Variants in MICAL2 observed in about 807,000 individuals in gnomAD.
MICAL2 encodes microtubule associated monooxygenase, calponin and LIM domain containing 2, also known as [F-actin]-monooxygenase MICAL2.
MICAL2 carries 77 observed loss-of-function variants against 127.3 expected under a neutral mutation model. The observed-to-expected ratio is 0.60, with a 90% CI of 0.50 to 0.73. The LOEUF (loss-of-function observed/expected upper bound fraction) is 0.73. Among genes scored for constraint, MICAL2 ranks in the 30% least tolerant of loss-of-function variants. The probability of loss-of-function intolerance (pLI) is 0.00; values close to 1 mark genes in which losing one functional copy is unlikely to be tolerated. For synonymous variants in MICAL2, 570 were observed against 551.1 expected, an observed-to-expected ratio of 1.03 and a Z score of -0.48; for missense variants, 1,351 against 1,434.4, an observed-to-expected ratio of 0.94 and a Z score of 0.94.
At chr11:12,208,850 A>C (rs556011133) in intron 5 of MICAL2, among the ~76,000 whole-genome samples, 1 of 152,228 alleles carries the variant, frequency 6.6e-6, no homozygotes, top group South Asian at 2.1e-4. Flanking sequence ...CTTAGGGTAC[A>C]TTTCTGATTT....
intron 22 of MICAL2, chr11:12,254,022 C>G (rs1861949609): frequency 6.6e-6 from 1 of 152,170 alleles, no homozygotes; most frequent in African/African-American, 2.4e-5. Flanking sequence ...CTGAAGCTAT[C>G]CAGGAGCTCA....
chr11:12,179,860 T>A (rs1857233038), intron 3 of MICAL2, among the ~76,000 whole-genome samples: 1 of 152,266 alleles, frequency 6.6e-6, no homozygotes, highest in Non-Finnish European at 1.5e-5. Flanking sequence ...GCCAGTTTCC[T>A]GTCTGTATCA....
upstream of MICAL2, chr11:12,274,365 C>T (rs1236968182): frequency 6.6e-6 from 1 of 152,096 alleles, no homozygotes; most frequent in Non-Finnish European, 1.5e-5. Context: ...ACAAATGAAA[C>T]AGACAAAAAT....
chr11:12,293,613 C>T (rs758583484), downstream of MICAL2: 2 of 1,614,014 alleles, frequency 1.2e-6, no homozygotes, highest in East Asian at 4.5e-5. Context: ...CCAAGTCCTC[C>T]CACCCCAAAC....
chr11:12,199,751 C>G (rs926651737), intron 3 of MICAL2, among the ~76,000 whole-genome samples: 12 of 152,180 alleles, frequency 7.9e-5, no homozygotes, highest in Non-Finnish European at 1.3e-4. Context: ...CCATCCTGAC[C>G]CTTGATAAAG....
intron 1 of MICAL2, among the ~76,000 whole-genome samples, chr11:12,277,698 G>A (rs904794154): frequency 5.3e-5 from 8 of 152,178 alleles, no homozygotes; most frequent in African/African-American, 1.9e-4. Context: ...TATAAGACAA[G>A]GTAAGGAGTT....
chr11:12,187,713 G>C (rs952485723), intron 3 of MICAL2, among the ~76,000 whole-genome samples: 1 of 152,168 alleles, frequency 6.6e-6, no homozygotes, highest in African/African-American at 2.4e-5. Context: ...TGAGTTGTCC[G>C]TATCTGTCTT....
At chr11:12,216,519 C>G in intron 8 of MICAL2, 200 bp downstream of exon 8, 1 of 584,356 alleles carries the variant, frequency 1.7e-6, no homozygotes. Flanking sequence ...AGAGAATTTT[C>G]TGCAGAGGGA....
At chr11:12,276,741 CT>C (rs925156773) in intron 1 of MICAL2, 3 of 152,312 alleles carry the variant, frequency 2.0e-5, no homozygotes, top group African/African-American at 7.2e-5. Context: ...GTATTGATTG[CT>C]TATTATTTAC....
At position 12,133,889 on chromosome 11, in the gene MICAL2, A is replaced by G. The variant is rs1477083725; in HGVS notation, c.-148-4501A>G. On this transcript the variant is annotated intron_variant, in intron 1 of 27. Transcript: ENST00000683283. ...CGCTTTCCTCTGAGTAGTTATGAAT[A>G]AAGGAGCAGCAGGACATTGCCATCA... Among the ~76,000 whole-genome samples, 34 of 152,210 alleles carry G rather than the reference A, an allele frequency of 2.2e-4. 1 individual carries two copies. The highest frequency in any genetic ancestry group is 2.2e-3 in the Admixed American group (34 of 15,290).
At position 12,321,031 on chromosome 11, in the gene MICAL2, T is replaced by G. The variant is rs116098150; in HGVS notation, c.5328+1220T>G. Among the ~76,000 whole-genome samples the G allele has an allele frequency of 5.0e-3, 767 of 152,206 alleles. 7 individuals carry two copies. The highest frequency in any genetic ancestry group is 0.017 in the African/African-American group (713 of 41,532). Reference sequence around the variant, plus strand: ...ATTCTATATTCAAATTAGGCAGAGATCCCAGCATCAGCCATCTTGACACTC... The same window carrying G: ...ATTCTATATTCAAATTAGGCAGAGAGCCCAGCATCAGCCATCTTGACACTC... On this transcript the variant is annotated intron_variant, in intron 30 of 34. Coordinates refer to the MICAL2 transcript ENST00000646065.
chr11:12,129,152 C>G (rs991759737), intron 1 of MICAL2, among the ~76,000 whole-genome samples: 1 of 152,044 alleles, frequency 6.6e-6, no homozygotes, highest in African/African-American at 2.4e-5. Context: ...TTCTAAAATC[C>G]CTGAAGACTT....
At chr11:12,150,892 G>A (rs542067270) in intron 2 of MICAL2, among the ~76,000 whole-genome samples, 136 of 152,184 alleles carry the variant, frequency 8.9e-4, no homozygotes, top group African/African-American at 3.2e-3. Flanking sequence ...GTTTGGTTTG[G>A]GCTACCTAGA....
chr11:12,264,354 G>A (rs1391324962), downstream of MICAL2, among the ~76,000 whole-genome samples: 4 of 152,188 alleles, frequency 2.6e-5, no homozygotes, highest in African/African-American at 4.8e-5. Flanking sequence ...CTGTCCCAAA[G>A]GCTCAGGGTA....
intron 29 of MICAL2, among the ~76,000 whole-genome samples, chr11:12,318,700 T>G (rs575773611): frequency 6.6e-6 from 1 of 152,320 alleles, no homozygotes; most frequent in Admixed American, 6.5e-5. Context: ...GGTCCTGATA[T>G]TCAGTAATCA....
intron 13 of MICAL2, chr11:12,225,472 C>T (rs1048157775): frequency 1.3e-5 from 2 of 152,188 alleles, no homozygotes; most frequent in African/African-American, 4.8e-5. Context: ...ATGAGGTGGC[C>T]TTAGGAGGAT....
chr11:12,216,645 AG>A (rs1306489268), intron 8 of MICAL2, among the ~76,000 whole-genome samples: 1 of 152,202 alleles, frequency 6.6e-6, no homozygotes, highest in Non-Finnish European at 1.5e-5. Context: ...ATTTGGAGGC[AG>A]ATGGGGGCTC....
chr11:12,263,422 G>A (rs150840339), intron 27 of MICAL2, 138 bp from the exon 28 acceptor site: 168 of 152,630 alleles, frequency 1.1e-3, no homozygotes, highest in Admixed American at 4.2e-3. Context: ...GGCTGCGGTG[G>A]GCGTCTGTCC....
At chr11:12,192,327 A>G (rs1478547111) in intron 3 of MICAL2, among the ~76,000 whole-genome samples, 1 of 152,088 alleles carries the variant, frequency 6.6e-6, no homozygotes, top group Non-Finnish European at 1.5e-5. Context: ...CTCACTCACC[A>G]CCTTGGAGAT....
Sources: gnomAD v4.1 joint callset for allele counts (sites outside exome capture counted in the v4.1 genomes callset) on GRCh38, gnomAD v4.1.1 for gene constraint, MANE v1.5 for transcripts, NCBI Gene and HGNC (gene_info 2026-07-23, HGNC 2026-07-21) for gene names.